The following DLGAP2 variants were observed in gnomAD, a reference collection of about 807,000 sequenced individuals.
DLGAP2 encodes the protein DLG associated protein 2.
DLGAP2 carries 26 observed loss-of-function variants against 100.3 expected under a neutral mutation model. The observed-to-expected ratio is 0.26, with a 90% CI of 0.19 to 0.36. The LOEUF is 0.36. DLGAP2 is among the 10% of genes least tolerant of loss of function. The probability of loss-of-function intolerance (pLI) is 1.00; values close to 1 mark genes in which losing one functional copy is unlikely to be tolerated. For missense variants in DLGAP2, 1,858 were observed against 1,453.2 expected (o/e 1.28, Z -4.53); for synonymous variants, 886 against 630.1 (o/e 1.41, Z -6.08).
chr8:1,152,168 A>G (rs996387275), intron 2 of DLGAP2, among the ~76,000 whole-genome samples: 6 of 152,068 alleles, frequency 3.9e-5, no homozygotes, highest in African/African-American at 9.7e-5. Flanking sequence ...ACATTTATCT[A>G]TTTTGCTATG....
intron 2 of DLGAP2, among the ~76,000 whole-genome samples, chr8:1,087,397 C>T (rs914221604): frequency 6.6e-6 from 1 of 152,176 alleles, no homozygotes; most frequent in East Asian, 1.9e-4. Context: ...GTTGTCTATG[C>T]CTGGCTGTGT....
intron 6 of DLGAP2, among the ~76,000 whole-genome samples, chr8:1,599,710 G>A (rs1258045666): frequency 6.6e-6 from 1 of 151,702 alleles, no homozygotes; most frequent in Non-Finnish European, 1.5e-5. Context: ...TGCTTTTTTT[G>A]CTTTCCGTTT....
At chr8:1,700,120 A>G (rs934467263) in intron 14 of DLGAP2, among the ~76,000 whole-genome samples, 2 of 152,208 alleles carry the variant, frequency 1.3e-5, no homozygotes, top group Non-Finnish European at 1.5e-5. Flanking sequence ...CCAGACACCA[A>G]AGCAGGCTTC....
rs540201716 is a variant in DLGAP2, at chr8:980,300, A to G, written c.73+72334A>G. On this transcript the variant is annotated intron_variant, in intron 2 of 14. Coordinates refer to ENST00000637795, the MANE Select transcript of DLGAP2 (RefSeq NM_001346810.2). ...ACCGTGTGGAATGGTGGAATCCTAC[A>G]TTTTGGTTAATGACCTGGGAAAGAC... 5.9e-5 allele frequency among the ~76,000 whole-genome samples: 9 copies of G among 152,314 alleles called. No homozygotes were observed. The South Asian group carries it at 1.7e-3, about 28-fold the overall frequency.
At chr8:789,732 G>C (rs1332132768) in intron 1 of DLGAP2, among the ~76,000 whole-genome samples, 1 of 152,186 alleles carries the variant, frequency 6.6e-6, no homozygotes, top group East Asian at 1.9e-4. Flanking sequence ...GGCGTCTGCT[G>C]TACCCAAAGT....
chr8:1,436,764 C>T (rs1460809771), intron 3 of DLGAP2, among the ~76,000 whole-genome samples: 2 of 152,202 alleles, frequency 1.3e-5, no homozygotes, highest in Non-Finnish European at 2.9e-5. Context: ...CACCCACTCA[C>T]CCGGTCACCC....
chr8:1,656,974 C>T (rs1180290668), intron 8 of DLGAP2, among the ~76,000 whole-genome samples: 1 of 152,060 alleles, frequency 6.6e-6, no homozygotes, highest in Non-Finnish European at 1.5e-5. Flanking sequence ...CATCTATTTC[C>T]CTGTAATTTG....
intron 3 of DLGAP2, chr8:1,368,530 T>C (rs1802163916): frequency 2.0e-5 from 3 of 152,196 alleles, no homozygotes; most frequent in Non-Finnish European, 4.4e-5. Context: ...ATTTATAGAA[T>C]ATACCATCAA....
intron 2 of DLGAP2, among the ~76,000 whole-genome samples, chr8:1,211,383 C>T (rs1248065460): frequency 1.3e-5 from 2 of 152,182 alleles, no homozygotes; most frequent in Admixed American, 1.3e-4. Flanking sequence ...GATAGATGCA[C>T]AGAAAAACAA....
chr8:1,320,346 A>G (rs1047074273), intron 3 of DLGAP2, among the ~76,000 whole-genome samples: 3 of 151,966 alleles, frequency 2.0e-5, no homozygotes, highest in African/African-American at 7.3e-5. Context: ...CCAGGACTCG[A>G]GGGAACCGTA....
intron 1 of DLGAP2, chr8:822,116 C>T: frequency 2.5e-6 from 1 of 399,700 alleles, no homozygotes; most frequent in East Asian, 3.6e-5. Context: ...CGAGGCTTGG[C>T]CCTAGCCCTG....
chr8:1,176,479 C>T (rs889378435), intron 2 of DLGAP2, among the ~76,000 whole-genome samples: 5 of 152,190 alleles, frequency 3.3e-5, no homozygotes, highest in East Asian at 1.9e-4. Context: ...AATGTAGTCA[C>T]GAGCATTACA....
chr8:1,213,827 C>G (rs1010937717), intron 2 of DLGAP2, among the ~76,000 whole-genome samples: 1 of 152,188 alleles, frequency 6.6e-6, no homozygotes, highest in African/African-American at 2.4e-5. Flanking sequence ...TGCCTCCTGA[C>G]CTGGTCTGGG....
chr8:1,250,861 C>A (rs140165936), intron 2 of DLGAP2, among the ~76,000 whole-genome samples: 1 of 152,178 alleles, frequency 6.6e-6, no homozygotes, highest in African/African-American at 2.4e-5. Context: ...CGCCAGGTAA[C>A]GACGGGGTGA....
At chr8:1,178,125 C>T (rs978698145) in intron 2 of DLGAP2, among the ~76,000 whole-genome samples, 4 of 152,152 alleles carry the variant, frequency 2.6e-5, no homozygotes, top group Admixed American at 1.3e-4. Context: ...AATCCAAGGC[C>T]TTGGAGAGAA....
intron 2 of DLGAP2, among the ~76,000 whole-genome samples, chr8:1,254,829 C>A (rs527451802): frequency 7.2e-6 from 1 of 138,264 alleles, no homozygotes; most frequent in Non-Finnish European, 1.6e-5. Context: ...AAAGACCGCT[C>A]CTGACTTTTC....
chr8:1,552,675 C>T (rs554571341), intron 5 of DLGAP2, among the ~76,000 whole-genome samples: 9 of 152,148 alleles, frequency 5.9e-5, no homozygotes, highest in Middle Eastern at 3.4e-3. Flanking sequence ...TCCTAGTGTA[C>T]GGATAAGATT....
intron 2 of DLGAP2, among the ~76,000 whole-genome samples, chr8:1,227,482 G>A (rs1265279088): frequency 1.3e-5 from 2 of 150,694 alleles, no homozygotes; most frequent in African/African-American, 4.9e-5. Flanking sequence ...CTACAGTTGA[G>A]ATTTGCTTCT....
chr8:1,661,223 C>G (rs1305813721), intron 8 of DLGAP2, among the ~76,000 whole-genome samples: 1 of 152,192 alleles, frequency 6.6e-6, no homozygotes, highest in African/African-American at 2.4e-5. Context: ...CCTGCTGGGC[C>G]CAGCTTCTCC....
Sources: allele counts gnomAD v4.1 joint callset (sites outside exome capture counted in the v4.1 genomes callset), GRCh38; gene constraint gnomAD v4.1.1; transcripts MANE v1.5; gene names NCBI Gene and HGNC (gene_info 2026-07-23, HGNC 2026-07-21).